The following SLC4A10 variants were observed in gnomAD, a reference collection of about 807,000 sequenced individuals.
The protein encoded by SLC4A10 is sodium-driven chloride bicarbonate exchanger.
A neutral mutation model predicts 137.7 loss-of-function variants in SLC4A10; 42 were observed. The ratio of observed to expected loss-of-function variants is 0.30; its 90% CI spans 0.24 to 0.39. The LOEUF is 0.39. Among genes scored for constraint, SLC4A10 ranks in the 10% least tolerant of loss-of-function variants. The pLI is 1.00. For synonymous variants in SLC4A10, 474 were observed against 464.1 expected, an observed-to-expected ratio of 1.02 and a Z score of -0.27; for missense variants, 925 against 1,355.0, an observed-to-expected ratio of 0.68 and a Z score of 4.98.
intron 15 of SLC4A10, among the ~76,000 whole-genome samples, chr2:161,922,648 A>G (rs1165646283): frequency 6.6e-6 from 1 of 152,208 alleles, no homozygotes; most frequent in African/African-American, 2.4e-5. Context: ...GAACTACTGA[A>G]AGAAGTATAC....
At position 161,903,897 on chromosome 2, in the gene SLC4A10, G is replaced by C. The variant is rs1683706070; in HGVS notation, c.1443-107G>C. ...GCAGGTTAATGTGTGTCTCACCTCT[G>C]CTGATGGAAAACGTATACTGTGACC... On this transcript the variant is annotated intron_variant, in intron 12 of 26. Coordinates refer to ENST00000446997, the MANE Select transcript of SLC4A10 (RefSeq NM_001178015.2). 17 of 1,137,184 alleles carry C rather than the reference G, an allele frequency of 1.5e-5. No individual in the cohort carries two copies. The South Asian group carries it at 2.5e-4, about 16-fold the overall frequency. The allele number at this position is 1,137,184 out of a possible 1,614,324, so 70.4% of individuals were successfully genotyped here. A position where few individuals can be genotyped will look rare whatever the true frequency, so the allele number is the denominator to read the frequency against.
rs143229411 is a variant in SLC4A10 at position 161,819,715 on chromosome 2, C to T, written c.277+15120C>T. ...TTCACCATGTTGGCCAAGCTGGTCT[C>T]GAACTCCTGACCTCGTGATCCACCC... On this transcript the variant is annotated intron_variant, in intron 3 of 26. Coordinates refer to ENST00000446997, the MANE Select transcript of SLC4A10 (RefSeq NM_001178015.2). 6.3e-3 allele frequency among the ~76,000 whole-genome samples: 953 copies of T among 152,168 alleles called. 11 individuals carry two copies. The highest frequency in any genetic ancestry group is 0.022 in the African/African-American group (896 of 41,522).
chr2:161,859,979 T>A (rs1302402902), intron 5 of SLC4A10, among the ~76,000 whole-genome samples: 1 of 152,242 alleles, frequency 6.6e-6, no homozygotes, highest in Non-Finnish European at 1.5e-5. Flanking sequence ...GACTTCACTC[T>A]GGACCCAACG....
At chr2:161,774,817 G>C (rs1199747946) in intron 2 of SLC4A10, among the ~76,000 whole-genome samples, 3 of 151,820 alleles carry the variant, frequency 2.0e-5, no homozygotes, top group Admixed American at 6.6e-5. Context: ...CTTCAGTGTT[G>C]TTATTGCTGA....
intron 2 of SLC4A10, among the ~76,000 whole-genome samples, chr2:161,783,544 T>G (rs1234623554): frequency 3.3e-5 from 5 of 152,010 alleles, no homozygotes; most frequent in Non-Finnish European, 7.4e-5. Context: ...CAAAATACTT[T>G]CAATAACTAA....
rs1437376054 is a variant in SLC4A10, at chr2:161,983,883, G to A, written c.*731G>A. On this transcript the variant is annotated 3_prime_UTR_variant, in exon 27 of 27. Coordinates refer to ENST00000446997, the MANE Select transcript of SLC4A10 (RefSeq NM_001178015.2). Reference sequence around the variant, plus strand: ...TAAGTAGTATTTGCTTAAAATTCAAGTTGTGACTAATGATCAAATACTAGG... The same window carrying A: ...TAAGTAGTATTTGCTTAAAATTCAAATTGTGACTAATGATCAAATACTAGG... 6.6e-6 allele frequency: 1 copy of A among 152,174 alleles called. No individual in the cohort carries two copies. Among genetic ancestry groups the A allele is most frequent in the South Asian group, 2.1e-4 (1 of 4,834 alleles). 9.4% of individuals were successfully genotyped at this position (152,174 alleles called of 1,614,324 possible).
chr2:161,769,890 C>A (rs2051356966), intron 1 of SLC4A10, among the ~76,000 whole-genome samples: 1 of 151,848 alleles, frequency 6.6e-6, no homozygotes, highest in Non-Finnish European at 1.5e-5. Context: ...CAAAAGATTT[C>A]TTCCTTAATG....
At chr2:161,702,162 A>G (rs2043190390) in intron 1 of SLC4A10, among the ~76,000 whole-genome samples, 1 of 151,956 alleles carries the variant, frequency 6.6e-6, no homozygotes, top group Non-Finnish European at 1.5e-5. Flanking sequence ...GTGTCCAACC[A>G]CAGATGAATG....
intron 1 of SLC4A10, among the ~76,000 whole-genome samples, chr2:161,770,389 G>C (rs2051438652): frequency 6.6e-6 from 1 of 151,786 alleles, no homozygotes; most frequent in African/African-American, 2.4e-5. Context: ...AATATAGAGA[G>C]ACACTAGAAG....
intron 1 of SLC4A10, among the ~76,000 whole-genome samples, chr2:161,725,431 C>T (rs559089318): frequency 6.6e-6 from 1 of 152,128 alleles, no homozygotes; most frequent in Non-Finnish European, 1.5e-5. Context: ...TGAATGTTAG[C>T]TATTACTGTA....
intron 3 of SLC4A10, among the ~76,000 whole-genome samples, chr2:161,834,201 T>A (rs908932713): frequency 6.6e-6 from 1 of 152,208 alleles, no homozygotes; most frequent in African/African-American, 2.4e-5. Flanking sequence ...CTTCATTTGG[T>A]CCTACATTGT....
intron 1 of SLC4A10, among the ~76,000 whole-genome samples, chr2:161,631,405 T>G (rs868346319): frequency 1.4e-4 from 22 of 151,854 alleles, no homozygotes; most frequent in African/African-American, 4.8e-4. Context: ...TACATTTATA[T>G]AAATTAAGAA....
At chr2:161,666,176 A>G (rs1327013623) in intron 1 of SLC4A10, among the ~76,000 whole-genome samples, 2 of 151,568 alleles carry the variant, frequency 1.3e-5, no homozygotes, top group Non-Finnish European at 3.0e-5. Context: ...AAAAAGCTGT[A>G]TTAGTCAAAC....
intron 1 of SLC4A10, among the ~76,000 whole-genome samples, chr2:161,701,742 C>T (rs1345129772): frequency 1.3e-5 from 2 of 151,786 alleles, no homozygotes; most frequent in African/African-American, 4.8e-5. Flanking sequence ...TTTACCCTTC[C>T]TAGCTTCTCA....
chr2:161,788,370 T>G (rs2053857940), intron 2 of SLC4A10, among the ~76,000 whole-genome samples: 1 of 152,042 alleles, frequency 6.6e-6, no homozygotes, highest in African/African-American at 2.4e-5. Context: ...AATTCAGTCT[T>G]CAGTCAAGTA....
At chr2:161,954,145 A>G (rs577811196) in intron 19 of SLC4A10, among the ~76,000 whole-genome samples, 6 of 152,174 alleles carry the variant, frequency 3.9e-5, no homozygotes, top group Admixed American at 1.3e-4. Context: ...TTCATTTGGC[A>G]CCATATTCTC....
chr2:161,779,531 CT>C (rs1233365323), intron 2 of SLC4A10, among the ~76,000 whole-genome samples: 1 of 151,816 alleles, frequency 6.6e-6, no homozygotes, highest in Non-Finnish European at 1.5e-5. Context: ...TGTTTTCTAA[CT>C]AGAATTATTG....
At chr2:161,955,557 G>T (rs1267221276) in intron 19 of SLC4A10, among the ~76,000 whole-genome samples, 1 of 152,098 alleles carries the variant, frequency 6.6e-6, no homozygotes, top group African/African-American at 2.4e-5. Context: ...AGGTCCTTAG[G>T]CACATAACTC....
intron 3 of SLC4A10, among the ~76,000 whole-genome samples, chr2:161,820,548 GA>G (rs1229507749): frequency 2.0e-5 from 3 of 152,130 alleles, no homozygotes; most frequent in African/African-American, 7.2e-5. Context: ...TTATATAAAT[GA>G]AATCATATAA....
Sources: gnomAD v4.1 joint callset for allele counts (sites outside exome capture counted in the v4.1 genomes callset) on GRCh38, gnomAD v4.1.1 for gene constraint, MANE v1.5 for transcripts, NCBI Gene and HGNC (gene_info 2026-07-23, HGNC 2026-07-21) for gene names.